The following VGLL4 variants were observed in gnomAD, a reference collection of about 807,000 sequenced individuals.
VGLL4 encodes the protein transcription cofactor vestigial-like protein 4.
In VGLL4, 7 loss-of-function variants were observed where a neutral mutation model predicts 21.0. The observed-to-expected ratio is 0.33, with a 90% CI of 0.19 to 0.63. VGLL4 has a LOEUF of 0.63. VGLL4 is among the 20% of genes least tolerant of loss of function. VGLL4 has a pLI of 0.78. For missense variants in VGLL4, 394 were observed against 425.7 expected, an observed-to-expected ratio of 0.93 and a Z score of 0.66; for synonymous variants, 222 against 173.2, an observed-to-expected ratio of 1.28 and a Z score of -2.21.
chr3:11,582,430 G>A (rs1271397209), intron 2 of VGLL4: 7 of 1,490,374 alleles, frequency 4.7e-6, no homozygotes, highest in Non-Finnish European at 2.7e-6. Context: ...TCCCTGAAAG[G>A]AGGGTTGCGA....
At chr3:11,665,568 G>A (rs1288978858) in intron 2 of VGLL4, among the ~76,000 whole-genome samples, 1 of 152,220 alleles carries the variant, frequency 6.6e-6, no homozygotes, top group Non-Finnish European at 1.5e-5. Context: ...CTGAGCAGCT[G>A]TGGGGGAAGA....
At chr3:11,698,464 G>A (rs927001099) in intron 2 of VGLL4, among the ~76,000 whole-genome samples, 4 of 152,118 alleles carry the variant, frequency 2.6e-5, no homozygotes, top group South Asian at 2.1e-4. Flanking sequence ...AGCCGTGATC[G>A]CACCACTGCA....
chr3:11,696,775 G>A (rs761947771), intron 2 of VGLL4, among the ~76,000 whole-genome samples: 9 of 152,204 alleles, frequency 5.9e-5, no homozygotes, highest in African/African-American at 1.4e-4. Flanking sequence ...GGTCTCAGTC[G>A]TCGCCCAGGC....
At chr3:11,596,789 T>C (rs879410962) in intron 2 of VGLL4, among the ~76,000 whole-genome samples, 3 of 152,150 alleles carry the variant, frequency 2.0e-5, no homozygotes, top group Non-Finnish European at 4.4e-5. Flanking sequence ...GTGGCTGGTG[T>C]CTGCTGTACT....
At chr3:11,695,052 C>CTTTT (rs11457651) in intron 2 of VGLL4, among the ~76,000 whole-genome samples, 1 of 138,588 alleles carries the variant, frequency 7.2e-6, no homozygotes, top group African/African-American at 2.7e-5. Context: ...TGTTCTCATT[C>CTTTT]TTTTTTTTTT....
chr3:11,633,814 G>C (rs1268166544), intron 1 of VGLL4: 2 of 152,244 alleles, frequency 1.3e-5, no homozygotes, highest in Admixed American at 1.3e-4. Flanking sequence ...TTACTCACAG[G>C]AAGCAGTTTC....
At chr3:11,562,545 C>T (rs2073114551) in intron 3 of VGLL4, among the ~76,000 whole-genome samples, 1 of 152,204 alleles carries the variant, frequency 6.6e-6, no homozygotes, top group Non-Finnish European at 1.5e-5. Context: ...CAACAGACTT[C>T]CAGGAAGAGA....
At chr3:11,681,031 C>T (rs1213023582) in intron 2 of VGLL4, among the ~76,000 whole-genome samples, 2 of 152,072 alleles carry the variant, frequency 1.3e-5, no homozygotes, top group Non-Finnish European at 2.9e-5. Flanking sequence ...CCCTCAGAAA[C>T]GTGCTAGTCC....
At chr3:11,663,884 T>C (rs759584553) in intron 2 of VGLL4, among the ~76,000 whole-genome samples, 5 of 152,256 alleles carry the variant, frequency 3.3e-5, no homozygotes, top group Non-Finnish European at 5.9e-5. Flanking sequence ...ATTTGTCATT[T>C]CTTTTTACAT....
intron 2 of VGLL4, among the ~76,000 whole-genome samples, chr3:11,661,435 T>TATTA (rs2076036183): frequency 6.8e-6 from 1 of 148,034 alleles, no homozygotes; most frequent in South Asian, 2.1e-4. Context: ...ACATTTTTCC[T>TATTA]TTTATTTATT....
Position 11,643,727 on chromosome 3 carries a change from T to C in VGLL4, c.-209A>G, listed in dbSNP as rs1488651420. 4 of 1,398,774 alleles carry C rather than the reference T, an allele frequency of 2.9e-6. No individual in the cohort carries two copies. In the South Asian group the frequency reaches 6.2e-5, roughly 22 times the overall value. 86.6% of individuals were successfully genotyped at this position (1,398,774 alleles called of 1,614,324 possible). A position where few individuals can be genotyped will look rare whatever the true frequency, so the allele number is the denominator to read the frequency against. ...GCTCACACGAAACCCTTCAAGGGCTTACTGGTAGACGGTGTATGTACTGTA... is the reference window on the plus strand; with the variant it reads ...GCTCACACGAAACCCTTCAAGGGCTCACTGGTAGACGGTGTATGTACTGTA... On this transcript the variant is annotated 5_prime_UTR_variant, in exon 1 of 5. Coordinates refer to ENST00000430365, the MANE Select transcript of VGLL4 (RefSeq NM_001128219.3).
chr3:11,663,500 C>T (rs995186408), intron 2 of VGLL4, among the ~76,000 whole-genome samples: 25 of 152,314 alleles, frequency 1.6e-4, no homozygotes, highest in South Asian at 8.3e-4. Flanking sequence ...AGGCAAATCA[C>T]CTGAGGTCAG....
chr3:11,705,940 T>A (rs1039236170), intron 1 of VGLL4, among the ~76,000 whole-genome samples: 3 of 150,734 alleles, frequency 2.0e-5, no homozygotes, highest in African/African-American at 7.4e-5. Context: ...AAAAAAAAGA[T>A]CTTGTGATTT....
intron 2 of VGLL4, among the ~76,000 whole-genome samples, chr3:11,571,993 G>C (rs1280783803): frequency 6.6e-6 from 1 of 152,190 alleles, no homozygotes; most frequent in African/African-American, 2.4e-5. Context: ...TGCAGCCCCA[G>C]CTACTCTGGA....
rs2073658636 is a variant in VGLL4, at chr3:11,568,859, A to G, written c.273-3840T>C. The G allele has an allele frequency of 2.2e-6, 3 of 1,378,272 alleles. No individual in the cohort carries two copies. Among genetic ancestry groups the G allele is most frequent in the Non-Finnish European group, 2.8e-6 (3 of 1,065,752 alleles). The allele number at this position is 1,378,272 out of a possible 1,614,324, so 85.4% of individuals were successfully genotyped here. On this transcript the variant is annotated intron_variant, in intron 2 of 4. Transcript: ENST00000430365. The surrounding 1 kb of genome is among the most constrained non-coding windows in gnomAD (Gnocchi z 5.9). ...TGAGTGGCTCCGTGCCAGGCCTATC[A>G]GAGCCGCTGAGGCTGCACGGCACCC... is the stretch of plus-strand genomic sequence containing the variant.
Position 11,643,771 on chromosome 3 carries a change from A to C in VGLL4, c.-253T>G. 8.3e-7 allele frequency: 1 copy of C among 1,210,708 alleles called. No homozygotes were observed. 75.0% of individuals were successfully genotyped at this position (1,210,708 alleles called of 1,614,324 possible). On this transcript the variant is annotated 5_prime_UTR_variant, in exon 1 of 5. Transcript: ENST00000430365. Reference sequence around the variant, plus strand: ...TACTGTATCCCCGATCGAGTATGAAAACAGCGTTTCAGAAGTCCTTACAAG... The same window carrying C: ...TACTGTATCCCCGATCGAGTATGAACACAGCGTTTCAGAAGTCCTTACAAG...
At position 11,591,215 on chromosome 3, in the gene VGLL4, C is replaced by T. The variant is rs530065099; in HGVS notation, c.272+10618G>A. 4.6e-5 allele frequency among the ~76,000 whole-genome samples: 7 copies of T among 152,348 alleles called. No homozygotes were observed. In the South Asian group the frequency reaches 1.4e-3, roughly 32 times the overall value. On this transcript the variant is annotated intron_variant, in intron 2 of 4. Coordinates refer to ENST00000430365, the MANE Select transcript of VGLL4 (RefSeq NM_001128219.3). ...ACACTTGCATCATGTTAAAAGGTGACTCTGCACAGACCAATGCACATTCTG... is the reference window on the plus strand; with the variant it reads ...ACACTTGCATCATGTTAAAAGGTGATTCTGCACAGACCAATGCACATTCTG...
At chr3:11,606,544 CTTTTCTGTCT>C (rs1015052147) in intron 1 of VGLL4, among the ~76,000 whole-genome samples, 3 of 152,198 alleles carry the variant, frequency 2.0e-5, no homozygotes, top group Admixed American at 2.0e-4. Flanking sequence ...ACTTAGAGAA[CTTTTCTGTCT>C]TACAAGAGGA....
At chr3:11,628,496 C>T (rs1409517267) in intron 1 of VGLL4, among the ~76,000 whole-genome samples, 4 of 152,024 alleles carry the variant, frequency 2.6e-5, no homozygotes, top group African/African-American at 7.2e-5. Flanking sequence ...AATGTTTTCC[C>T]AAATATGAAA....
Sources: gnomAD v4.1 joint callset for allele counts (sites outside exome capture counted in the v4.1 genomes callset) on GRCh38, gnomAD v4.1.1 for gene constraint, Gnocchi (gnomAD v3.1) non-coding constraint, MANE v1.5 for transcripts, NCBI Gene and HGNC (gene_info 2026-07-23, HGNC 2026-07-21) for gene names.